CDC5L: variants seen among roughly 807,000 people sequenced by gnomAD.
CDC5L encodes cell division cycle 5 like.
Under a neutral mutation model 104.1 loss-of-function variants are expected in CDC5L, and 18 were observed. The observed-to-expected ratio is 0.17, with a 90% CI of 0.12 to 0.26. CDC5L has a LOEUF of 0.26. CDC5L is among the 10% of genes least tolerant of loss of function. The pLI is 1.00. For synonymous variants in CDC5L, 331 were observed against 322.7 expected, an observed-to-expected ratio of 1.03 and a Z score of -0.28; for missense variants, 673 against 956.9, an observed-to-expected ratio of 0.70 and a Z score of 3.91.
At chr6:44,427,473 C>T (rs1011015685) in intron 13 of CDC5L, among the ~76,000 whole-genome samples, 1 of 152,158 alleles carries the variant, frequency 6.6e-6, no homozygotes, top group African/African-American at 2.4e-5. Flanking sequence ...TAGGATAAAA[C>T]AAACAAGATT....
chr6:44,424,539 G>T lies in CDC5L; in HGVS notation c.1525G>T (p.Asp509Tyr). ...GGAGCTGGAAGAACGTGAAATAGAT[G>T]ATACTTACATTGAAGATGCTGCTGA... ...EKELEEREID[D>Y]TYIEDAADVD... Residue 509 changes from aspartate to tyrosine, a missense_variant, in exon 11 of 16, where the codon GAT becomes TAT. Transcript: ENST00000371477. The T allele has an allele frequency of 6.2e-7, 1 of 1,613,972 alleles. No individual in the cohort carries two copies. Among genetic ancestry groups the T allele is most frequent in the Non-Finnish European group, 8.5e-7 (1 of 1,179,940 alleles).
At chr6:44,426,209 G>T in intron 12 of CDC5L, 26 bp downstream of exon 12, 1 of 1,508,656 alleles carries the variant, frequency 6.6e-7, no homozygotes, top group Non-Finnish European at 9.1e-7. Context: ...TCTGGTTTAG[G>T]AAGTTTTAAG....
chr6:44,399,407 A>C (rs1791016173), intron 5 of CDC5L, among the ~76,000 whole-genome samples: 2 of 152,168 alleles, frequency 1.3e-5, no homozygotes, highest in South Asian at 4.1e-4. Flanking sequence ...AATTTCAGCC[A>C]TTATATATCT....
intron 9 of CDC5L, among the ~76,000 whole-genome samples, chr6:44,422,088 T>C (rs1328578398): frequency 1.3e-5 from 2 of 152,236 alleles, no homozygotes; most frequent in East Asian, 1.9e-4. Context: ...TGGATCTTAT[T>C]CCTAGGAGAA....
rs1250641919 is a variant in CDC5L at position 44,403,885 on chromosome 6, A to G, written c.616A>G (p.Arg206Gly). Residue 206 changes from arginine (R) to glycine (G), a missense_variant, in exon 6 of 16, where the codon AGA becomes GGA. Transcript: ENST00000371477. ...IEIQKKRKRK[R>G]GVDYNAEIPF... is the part of the protein sequence containing the mutation. ...AATTCAGAAGAAAAGAAAAAGGAAG[A>G]GAGGAGTTGATTATAATGCCGAAAT... is the stretch of plus-strand genomic sequence containing the variant. 6.2e-7 allele frequency: 1 copy of G among 1,613,586 alleles called. No homozygotes were observed. Among genetic ancestry groups the G allele is most frequent in the Non-Finnish European group, 8.5e-7 (1 of 1,179,822 alleles).
chr6:44,405,414 T>TGG (rs1051124652), intron 6 of CDC5L, among the ~76,000 whole-genome samples: 3 of 152,034 alleles, frequency 2.0e-5, no homozygotes, highest in Non-Finnish European at 4.4e-5. Context: ...GAGTACTAAG[T>TGG]GGGGGAGGCA....
rs753456122 is a variant in CDC5L, at chr6:44,422,791, C to T, written c.1386C>T (p.Pro462=). ...PEDGMADYSD[P]SYVKQMERES... The stretch of plus-strand genomic sequence containing the variant: ...ATGGAATGGCAGACTATAGTGATCC[C>T]TCTTACGTGAAGCAGATGGTAAATG... Residue 462 remains proline, a synonymous_variant, in exon 10 of 16, where the codon CCC becomes CCT. Coordinates refer to ENST00000371477, the MANE Select transcript of CDC5L (RefSeq NM_001253.4). 6.2e-7 allele frequency: 1 copy of T among 1,605,072 alleles called. No homozygotes were observed. The highest frequency in any genetic ancestry group is 1.1e-5 in the South Asian group (1 of 89,108).
chr6:44,417,665 A>G (rs1471245792), intron 8 of CDC5L, among the ~76,000 whole-genome samples: 2 of 152,220 alleles, frequency 1.3e-5, no homozygotes, highest in South Asian at 2.1e-4. Flanking sequence ...GGACAGGGTT[A>G]CAGTGAAGGG....
At chr6:44,439,338 A>G (rs1012002731) in intron 14 of CDC5L, among the ~76,000 whole-genome samples, 1 of 152,134 alleles carries the variant, frequency 6.6e-6, no homozygotes, top group Non-Finnish European at 1.5e-5. Flanking sequence ...TTTCGTGTGG[A>G]CATGTTTTCA....
intron 1 of CDC5L, among the ~76,000 whole-genome samples, chr6:44,389,355 A>G (rs1021263775): frequency 6.6e-6 from 1 of 152,214 alleles, no homozygotes; most frequent in Non-Finnish European, 1.5e-5. Context: ...AAAGCTCTGC[A>G]GTCTTTTTAA....
Position 44,390,406 on chromosome 6 carries a change from G to C in CDC5L, c.149+35G>C, listed in dbSNP as rs368486340. ...AGTTTAATAAGTGGAAAACAGAAAA[G>C]GAGCTTAATTATGATGATGGAAAAT... is the stretch of plus-strand genomic sequence containing the variant. On this transcript the variant is annotated intron_variant, in intron 2 of 15. Coordinates refer to ENST00000371477, the MANE Select transcript of CDC5L (RefSeq NM_001253.4). 2.1e-5 allele frequency: 27 copies of C among 1,288,154 alleles called. No homozygotes were observed. The African/African-American group carries it at 2.4e-4, about 11-fold the overall frequency. The allele number at this position is 1,288,154 out of a possible 1,614,324, so 79.8% of individuals were successfully genotyped here.
intron 14 of CDC5L, among the ~76,000 whole-genome samples, chr6:44,438,665 CTTT>C (rs749816182): frequency 4.7e-5 from 5 of 106,278 alleles, no homozygotes; most frequent in Admixed American, 9.5e-5. Flanking sequence ...GAAGTTTTGT[CTTT>C]TTTTTTTTTT....
intron 6 of CDC5L, among the ~76,000 whole-genome samples, chr6:44,405,500 AAC>A (rs1791323806): frequency 2.0e-5 from 3 of 152,220 alleles, no homozygotes; most frequent in African/African-American, 7.2e-5. Flanking sequence ...TAGGCTTCCT[AAC>A]CATGTTTAGA....
chr6:44,442,375 TTGTGTGTGTGTGTGTGTGTG>T (rs149528659), intron 14 of CDC5L, among the ~76,000 whole-genome samples: 1 of 145,022 alleles, frequency 6.9e-6, no homozygotes, highest in Non-Finnish European at 1.5e-5. Flanking sequence ...TGTGTGTATG[TTGTGTGTGTGTGTGTGTGTG>T]TGTGTGTGTG....
At chr6:44,414,364 C>T (rs1791806557) in intron 8 of CDC5L, among the ~76,000 whole-genome samples, 1 of 146,328 alleles carries the variant, frequency 6.8e-6, no homozygotes, top group African/African-American at 2.6e-5. Flanking sequence ...AGGCGTGAGC[C>T]ACTGTGCCTG....
At position 44,405,908 on chromosome 6, in the gene CDC5L, C is replaced by CT. The variant is rs554793557; in HGVS notation, c.759-404dup. Among the ~76,000 whole-genome samples, 480 of 144,548 alleles carry CT rather than the reference C, an allele frequency of 3.3e-3. 1 individual carries two copies. The highest frequency in any genetic ancestry group is 7.7e-3 in the East Asian group (39 of 5,036). The allele number at this position is 144,548 out of a possible 152,430, so 94.8% of individuals were successfully genotyped here. On this transcript the variant is annotated intron_variant, in intron 6 of 15. Coordinates refer to ENST00000371477, the MANE Select transcript of CDC5L (RefSeq NM_001253.4). ...GTTTTTACCTTTTTTTAGCTATTTT[C>CT]TTTTTTTTTTTGAGATGGAGTCTTT...
intron 9 of CDC5L, among the ~76,000 whole-genome samples, chr6:44,421,925 G>A (rs933397692): frequency 6.6e-6 from 1 of 152,112 alleles, no homozygotes; most frequent in Non-Finnish European, 1.5e-5. Flanking sequence ...AATCCTTGGG[G>A]GTGGGAACCA....
intron 7 of CDC5L, 103 bp from the exon 8 acceptor site, chr6:44,408,341 G>A: frequency 1.3e-6 from 1 of 790,720 alleles, no homozygotes; most frequent in Non-Finnish European, 2.0e-6. Flanking sequence ...GGCTCAAACA[G>A]TTTGCCCTCC....
chr6:44,444,398 C>G (rs1793352845), intron 14 of CDC5L, among the ~76,000 whole-genome samples: 2 of 152,082 alleles, frequency 1.3e-5, no homozygotes, highest in South Asian at 4.1e-4. Context: ...CTGTGTGGAG[C>G]TATAAAAGTG....
Sources: allele counts gnomAD v4.1 joint callset (sites outside exome capture counted in the v4.1 genomes callset), GRCh38; gene constraint gnomAD v4.1.1; transcripts MANE v1.5; gene names NCBI Gene and HGNC (gene_info 2026-07-23, HGNC 2026-07-21).